NPIPA7: variants seen among roughly 807,000 people sequenced by gnomAD.
NPIPA7 encodes the protein nuclear pore complex-interacting protein family member A7.
chr16:16,386,326 G>A (rs1158405148), intron 2 of NPIPA7, among the ~76,000 whole-genome samples: 2 of 142,072 alleles, frequency 1.4e-5, no homozygotes, highest in Admixed American at 1.4e-4. Context: ...AGAGCTGAAG[G>A]TAATTACTTC....
intron 4 of NPIPA7, among the ~76,000 whole-genome samples, chr16:16,388,051 CTTT>C (rs1252652575): frequency 2.2e-5 from 1 of 44,716 alleles, no homozygotes; most frequent in African/African-American, 1.5e-4. Flanking sequence ...CTTTCTCTCT[CTTT>C]TTTTTTTTTT....
intron 2 of NPIPA7, among the ~76,000 whole-genome samples, chr16:16,386,874 C>T (rs62032906): frequency 0.038 from 4,914 of 129,946 alleles, 198 homozygotes; most frequent in Middle Eastern, 0.12. Context: ...CTCAGCCTCG[C>T]GACTAGCTGG....
At chr16:16,386,447 A>AT (rs1197508092) in intron 2 of NPIPA7, among the ~76,000 whole-genome samples, 333 of 30,454 alleles carry the variant, frequency 0.011, 5 homozygotes, top group Non-Finnish European at 0.015. Flanking sequence ...TATTCATGTC[A>AT]TTTTTTTTTT....
At chr16:16,388,051 C>T (rs56132213) in intron 4 of NPIPA7, among the ~76,000 whole-genome samples, 32,884 of 44,522 alleles carry the variant, frequency 0.74, 11,883 homozygotes, top group Middle Eastern at 0.84. Context: ...CTTTCTCTCT[C>T]TTTTTTTTTT....
chr16:16,386,022 A>G (rs2050117356), intron 2 of NPIPA7, among the ~76,000 whole-genome samples: 1 of 44,430 alleles, frequency 2.3e-5, no homozygotes, highest in African/African-American at 9.9e-5. Context: ...CTACCTCAGG[A>G]GATTCATAGG....
chr16:16,385,936 G>A (rs1478470680), intron 2 of NPIPA7, among the ~76,000 whole-genome samples: 1 of 7,358 alleles, frequency 1.4e-4, no homozygotes, highest in African/African-American at 7.1e-4. Context: ...GGAGGTTGCC[G>A]TGAGCCAAGG....
At chr16:16,386,771 C>G (rs1362375852) in intron 2 of NPIPA7, among the ~76,000 whole-genome samples, 1 of 117,024 alleles carries the variant, frequency 8.5e-6, no homozygotes, top group African/African-American at 3.2e-5. Flanking sequence ...TTTTTTGAGA[C>G]AGAGTTTGAA....
chr16:16,387,058 C>T (rs1408132726), intron 2 of NPIPA7, among the ~76,000 whole-genome samples: 1 of 116,438 alleles, frequency 8.6e-6, no homozygotes, highest in African/African-American at 3.0e-5. Context: ...TCATGTCATT[C>T]TTTGTGTGTG....
At chr16:16,388,352 C>G (rs1160444130) in intron 4 of NPIPA7, among the ~76,000 whole-genome samples, 47 of 27,216 alleles carry the variant, frequency 1.7e-3, no homozygotes, top group South Asian at 2.5e-3. Context: ...CAGCACCCAG[C>G]CTTTTTTTTT....
chr16:16,386,988 A>T (rs983696053), intron 2 of NPIPA7, among the ~76,000 whole-genome samples: 4 of 145,444 alleles, frequency 2.8e-5, no homozygotes, highest in Non-Finnish European at 6.1e-5. Flanking sequence ...ACCTCAGGTG[A>T]TCCGCCTGCC....
rs2141299968 is a variant in NPIPA7 at position 16,386,726 on chromosome 16, G to A, written c.193-673G>A. Among the ~76,000 whole-genome samples, 2 of 133,840 alleles carry A rather than the reference G, an allele frequency of 1.5e-5. 1 individual carries two copies. Among genetic ancestry groups the A allele is most frequent in the East Asian group, 4.3e-4 (2 of 4,616 alleles). The allele number at this position is 133,840 out of a possible 152,430, so 87.8% of individuals were successfully genotyped here. ...GCCTCCCAAAGTGCTGGGATTACAG[G>A]CGTGAGCTACAGCACCTGGCCTATT... On this transcript the variant is annotated intron_variant, in intron 2 of 7. Coordinates refer to ENST00000530217, the Ensembl canonical transcript of NPIPA7.
chr16:16,382,365 T>C (rs2050108439), intron 1 of NPIPA7, among the ~76,000 whole-genome samples: 1 of 31,556 alleles, frequency 3.2e-5, no homozygotes. Context: ...GAGACCAGCC[T>C]GGCCAAGATG....
intron 2 of NPIPA7, among the ~76,000 whole-genome samples, chr16:16,386,669 C>G (rs200147672): frequency 0.092 from 11,045 of 120,240 alleles, 165 homozygotes; most frequent in East Asian, 0.19. Flanking sequence ...AGGATGATCT[C>G]CATCTCTTGA....
In NPIPA7 at chr16:16,386,192, C is replaced by G. The variant is rs1352743784; in HGVS notation, c.193-1207C>G. 1.6e-4 allele frequency among the ~76,000 whole-genome samples: 16 copies of G among 100,146 alleles called. No homozygotes were observed. The Admixed American group carries it at 1.7e-3, about 10-fold the overall frequency. The allele number at this position is 100,146 out of a possible 152,430, so 65.7% of individuals were successfully genotyped here. On this transcript the variant is annotated intron_variant, in intron 2 of 7. Transcript: ENST00000530217. ...ATGTTTTGCGTTAAGTTCAAACCAGCCTCAACGAAGCTGATGTGAGGGAAG... is the reference window on the plus strand; with the variant it reads ...ATGTTTTGCGTTAAGTTCAAACCAGGCTCAACGAAGCTGATGTGAGGGAAG...
intron 2 of NPIPA7, among the ~76,000 whole-genome samples, chr16:16,386,464 T>C (rs2050131866): frequency 1.4e-5 from 1 of 69,840 alleles, no homozygotes; most frequent in African/African-American, 5.3e-5. Flanking sequence ...TTTTTTTTTT[T>C]TTTTGAGACA....
chr16:16,387,981 T>C (rs2050198381), intron 4 of NPIPA7, among the ~76,000 whole-genome samples, 175 bp downstream of exon 4: 1 of 80,342 alleles, frequency 1.2e-5, no homozygotes, highest in Non-Finnish European at 2.2e-5. Context: ...TTTCCCTTCC[T>C]ACATTCTTGT....
chr16:16,388,027 C>T (rs1228629167), intron 4 of NPIPA7, among the ~76,000 whole-genome samples: 1 of 90,858 alleles, frequency 1.1e-5, no homozygotes, highest in Non-Finnish European at 2.0e-5. Context: ...GTTGCTAGTA[C>T]TGCATTGGTT....
At chr16:16,386,057 A>G (rs1462582005) in intron 2 of NPIPA7, among the ~76,000 whole-genome samples, 3 of 63,282 alleles carry the variant, frequency 4.7e-5, no homozygotes, top group African/African-American at 2.0e-4. Flanking sequence ...CTGAGATGGG[A>G]TTTGCATTGC....
intron 2 of NPIPA7, among the ~76,000 whole-genome samples, chr16:16,386,675 C>T (rs2050143200): frequency 1.6e-5 from 2 of 124,678 alleles, no homozygotes; most frequent in Non-Finnish European, 1.8e-5. Flanking sequence ...ATCTCCATCT[C>T]TTGACCTTGT....
Sources: allele counts gnomAD v4.1 joint callset (sites outside exome capture counted in the v4.1 genomes callset), GRCh38; gene constraint gnomAD v4.1.1; transcripts MANE v1.5; gene names NCBI Gene and HGNC (gene_info 2026-07-23, HGNC 2026-07-21).